The following TSNAX variants were observed in gnomAD, a reference collection of about 807,000 sequenced individuals.
The protein encoded by TSNAX is translin associated factor X.
A neutral mutation model predicts 33.0 loss-of-function variants in TSNAX; 12 were observed. The observed-to-expected ratio is 0.36, with a 90% confidence interval of 0.23 to 0.59. TSNAX has a LOEUF of 0.59. Ranked by LOEUF, TSNAX falls within the 20% of genes least tolerant of loss-of-function variation. The pLI is 0.74. For missense variants in TSNAX, 267 were observed against 341.3 expected (o/e 0.78, Z 1.72); for synonymous variants, 110 against 117.2 (o/e 0.94, Z 0.40).
chr1:231,553,682 C>CTTTTT (rs5781656), intron 4 of TSNAX, among the ~76,000 whole-genome samples: 19 of 133,722 alleles, frequency 1.4e-4, no homozygotes, highest in Non-Finnish European at 2.5e-4. Flanking sequence ...TCTTTCTTTC[C>CTTTTT]TTTTTTTTTT....
chr1:231,549,954 C>T (rs1246134936), intron 4 of TSNAX, among the ~76,000 whole-genome samples: 6 of 152,064 alleles, frequency 3.9e-5, no homozygotes, highest in African/African-American at 1.4e-4. Context: ...ATTTGATGTC[C>T]CCTGAGGCCT....
intron 4 of TSNAX, among the ~76,000 whole-genome samples, chr1:231,543,486 T>G (rs1020715462): frequency 2.6e-5 from 4 of 152,110 alleles, no homozygotes; most frequent in Admixed American, 2.0e-4. Context: ...GAGCATCGTG[T>G]CAGCACTCAA....
rs559083933 is a variant in TSNAX, at chr1:231,565,005, A to C, written c.*100A>C. ...CATTTAACTTTATTGTGGCTTTTAC[A>C]TAGAAACATATTCAGTTGTACTTGT... On this transcript the variant is annotated 3_prime_UTR_variant, in exon 6 of 6. Coordinates refer to ENST00000366639, the MANE Select transcript of TSNAX (RefSeq NM_005999.3). 5.2e-6 allele frequency: 7 copies of C among 1,354,860 alleles called. No homozygotes were observed. The highest frequency in any genetic ancestry group is 6.0e-6 in the Non-Finnish European group (6 of 1,001,342). The allele number at this position is 1,354,860 out of a possible 1,614,324, so 83.9% of individuals were successfully genotyped here.
intron 4 of TSNAX, among the ~76,000 whole-genome samples, chr1:231,551,203 TAAG>T (rs1320187611): frequency 2.6e-5 from 4 of 152,204 alleles, no homozygotes; most frequent in Non-Finnish European, 4.4e-5. Context: ...TTAAGCAAGA[TAAG>T]AAGAGAATGT....
intron 3 of TSNAX, among the ~76,000 whole-genome samples, chr1:231,538,353 C>G (rs915250826): frequency 9.9e-5 from 15 of 152,156 alleles, no homozygotes; most frequent in Non-Finnish European, 2.2e-4. Flanking sequence ...TCATATTATT[C>G]ATACAGTTTT....
intron 4 of TSNAX, among the ~76,000 whole-genome samples, chr1:231,551,379 C>T (rs1660280303): frequency 6.6e-6 from 1 of 152,144 alleles, no homozygotes; most frequent in African/African-American, 2.4e-5. Context: ...TTTAATATTC[C>T]ATATCGCTGT....
At chr1:231,549,526 A>G (rs1218894171) in intron 4 of TSNAX, among the ~76,000 whole-genome samples, 2 of 152,214 alleles carry the variant, frequency 1.3e-5, no homozygotes, top group African/African-American at 2.4e-5. Context: ...TTGAAAGTTT[A>G]CCTGAGCAAT....
At chr1:231,531,205 G>A (rs377236821) in intron 2 of TSNAX, among the ~76,000 whole-genome samples, 19 of 152,160 alleles carry the variant, frequency 1.2e-4, no homozygotes, top group African/African-American at 4.3e-4. Flanking sequence ...CAGTCTGCCC[G>A]TCTCGGCCTC....
chr1:231,538,683 A>G (rs1022267389), intron 3 of TSNAX, among the ~76,000 whole-genome samples: 39 of 152,316 alleles, frequency 2.6e-4, no homozygotes, highest in African/African-American at 8.7e-4. Context: ...CATATAATTT[A>G]TTAGCTTTTC....
At chr1:231,554,864 G>A (rs971053289) in intron 4 of TSNAX, among the ~76,000 whole-genome samples, 1 of 152,174 alleles carries the variant, frequency 6.6e-6, no homozygotes, top group Non-Finnish European at 1.5e-5. Context: ...ACTATTTACT[G>A]TGTGACTTGG....
intron 4 of TSNAX, among the ~76,000 whole-genome samples, chr1:231,552,856 C>T (rs2124927980): frequency 6.6e-6 from 1 of 152,306 alleles, no homozygotes; most frequent in Admixed American, 6.5e-5. Context: ...CCATGTATGG[C>T]CTCTTGCGTC....
rs531974310 is a variant in TSNAX at position 231,556,491 on chromosome 1, T to C, written c.368-4637T>C. 6.6e-4 allele frequency among the ~76,000 whole-genome samples: 101 copies of C among 152,348 alleles called. 1 individual carries two copies. The South Asian group carries it at 0.02, about 30-fold the overall frequency. On this transcript the variant is annotated intron_variant, in intron 4 of 5. Coordinates refer to ENST00000366639, the MANE Select transcript of TSNAX (RefSeq NM_005999.3). ...TGTTGTTGCTAAAGTGTTTGTGGTC[T>C]TATCAACAGCTACATATGAAATAAT...
chr1:231,555,578 T>A (rs551630894), intron 4 of TSNAX, among the ~76,000 whole-genome samples: 1 of 152,310 alleles, frequency 6.6e-6, no homozygotes, highest in East Asian at 1.9e-4. Context: ...TATGTTTGTT[T>A]TACCACAATT....
chr1:231,542,384 C>A, intron 3 of TSNAX, 97 bp from the exon 4 acceptor site: 2 of 1,248,284 alleles, frequency 1.6e-6, no homozygotes, highest in Non-Finnish European at 2.2e-6. Flanking sequence ...TATATGAATG[C>A]ATACAATATT....
chr1:231,565,750 G>A lies in TSNAX; in HGVS notation c.*845G>A, dbSNP rs1661381706. 1 of 151,968 alleles carries A rather than the reference G, an allele frequency of 6.6e-6. No homozygotes were observed. Among genetic ancestry groups the A allele is most frequent in the Admixed American group, 6.6e-5 (1 of 15,250 alleles). The allele number at this position is 151,968 out of a possible 1,614,324, so 9.4% of individuals were successfully genotyped here. ...AAAAAAGAAAGAAAGAAAAAAGAAA[G>A]TACAAGTTTATAAAGTATTATAGTG... On this transcript the variant is annotated 3_prime_UTR_variant, in exon 6 of 6. Transcript: ENST00000366639.
chr1:231,529,251 T>A lies in TSNAX; in HGVS notation c.17-4T>A. ...TCCCTCTCTTTTTTTCTTCTCTATA[T>A]AAGGATCAGGAGGGTTCAGGAAAAG... On this transcript the variant is annotated splice_region_variant and splice_polypyrimidine_tract_variant and intron_variant, in intron 1 of 5. Transcript: ENST00000366639. The A allele has an allele frequency of 6.2e-7, 1 of 1,613,404 alleles. No individual in the cohort carries two copies. The highest frequency in any genetic ancestry group is 8.5e-7 in the Non-Finnish European group (1 of 1,179,752).
intron 3 of TSNAX, among the ~76,000 whole-genome samples, chr1:231,538,982 CT>C (rs1659374980): frequency 1.3e-5 from 2 of 150,122 alleles, no homozygotes; most frequent in South Asian, 2.1e-4. Flanking sequence ...TAACATGAAA[CT>C]TTTAAGATAA....
chr1:231,552,147 C>T (rs1019407426), intron 4 of TSNAX, among the ~76,000 whole-genome samples: 5 of 152,068 alleles, frequency 3.3e-5, no homozygotes, highest in South Asian at 2.1e-4. Context: ...TAGCTGGGTG[C>T]GACAGCAGGC....
intron 4 of TSNAX, among the ~76,000 whole-genome samples, chr1:231,543,886 A>C (rs879531524): frequency 7.9e-5 from 12 of 152,316 alleles, no homozygotes; most frequent in Admixed American, 7.2e-4. Flanking sequence ...TGACTTCATG[A>C]ATTTAGTTTG....
Sources: allele counts gnomAD v4.1 joint callset (sites outside exome capture counted in the v4.1 genomes callset), GRCh38; gene constraint gnomAD v4.1.1; transcripts MANE v1.5; gene names NCBI Gene and HGNC (gene_info 2026-07-23, HGNC 2026-07-21).